The following NYAP1 variants were observed in gnomAD, a reference collection of about 807,000 sequenced individuals.
NYAP1 encodes the protein neuronal tyrosine phosphorylated phosphoinositide-3-kinase adaptor 1.
Under a neutral mutation model 58.6 loss-of-function variants are expected in NYAP1, and 20 were observed. The observed-to-expected ratio is 0.34, with a 90% CI of 0.24 to 0.50. NYAP1 has a LOEUF of 0.50. NYAP1 is among the 20% of genes least tolerant of loss of function. The pLI, the probability that NYAP1 is intolerant of heterozygous loss-of-function variation, is 0.98. For synonymous variants in NYAP1, 572 were observed against 523.1 expected (o/e 1.09, Z -1.27); for missense variants, 1,150 against 1,194.5 (o/e 0.96, Z 0.55).
In NYAP1 at chr7:100,489,216, C is replaced by T; in HGVS notation, c.1495C>T (p.Leu499=). ...GGAGATCTCGGTCCTCCATGGGATGCTGTGTACCAGCTCAAGGCCCCCTGT... is the reference window on the plus strand; with the variant it reads ...GGAGATCTCGGTCCTCCATGGGATGTTGTGTACCAGCTCAAGGCCCCCTGT... ...EKEISVLHGM[L]CTSSRPPVPG... Residue 499 remains leucine, a synonymous_variant, in exon 4 of 7, where the codon CTG becomes TTG. Transcript: ENST00000300179. The T allele has an allele frequency of 6.2e-7, 1 of 1,609,426 alleles. No individual in the cohort carries two copies. The highest frequency in any genetic ancestry group is 1.1e-5 in the South Asian group (1 of 90,356).
In NYAP1 at chr7:100,490,869, C is replaced by T; in HGVS notation, c.2159-117C>T. ...AAATCCTCATACCACATCTCCACCC[C>T]TTTTTCCCTTCTGATGAGGCAGGGG... On this transcript the variant is annotated intron_variant, in intron 5 of 6. Coordinates refer to ENST00000300179, the MANE Select transcript of NYAP1 (RefSeq NM_173564.4). This position sits in a 1 kb window ranked among gnomAD's most constrained non-coding sequence, Gnocchi z 4.6. 1.9e-6 allele frequency: 2 copies of T among 1,073,112 alleles called. No homozygotes were observed. The highest frequency in any genetic ancestry group is 2.1e-4 in the Middle Eastern group (1 of 4,770). The allele number at this position is 1,073,112 out of a possible 1,614,324, so 66.5% of individuals were successfully genotyped here.
chr7:100,493,910 C>G lies in NYAP1; in HGVS notation c.*7C>G, dbSNP rs1294614305. 7 of 1,433,044 alleles carry G rather than the reference C, an allele frequency of 4.9e-6. No homozygotes were observed. The highest frequency in any genetic ancestry group is 2.9e-5 in the South Asian group (2 of 68,246). 88.8% of individuals were successfully genotyped at this position (1,433,044 alleles called of 1,614,324 possible). ...CTGGGACACCGCCATCTGAGGCGGG[C>G]GGGGGGGTACCGGGGCGCCTGGACT... On this transcript the variant is annotated 3_prime_UTR_variant, in exon 7 of 7. Transcript: ENST00000300179.
chr7:100,487,052 G>A lies in NYAP1; in HGVS notation c.300G>A (p.Gly100=), dbSNP rs776482613. 12 of 1,600,754 alleles carry A rather than the reference G, an allele frequency of 7.5e-6. No individual in the cohort carries two copies. Among genetic ancestry groups the A allele is most frequent in the Non-Finnish European group, 1.0e-5 (12 of 1,173,424 alleles). Reference sequence around the variant, plus strand: ...ACAGTGTCGGGGGTGGCCCTGGCGGGGCCAGTGGGGGCCTCACAGAGGACA... The same window carrying A: ...ACAGTGTCGGGGGTGGCCCTGGCGGAGCCAGTGGGGGCCTCACAGAGGACA... ...SMDSVGGGPG[G]ASGGLTEDSS... is the part of the protein sequence containing the mutation. Residue 100 remains glycine (G), a synonymous_variant, in exon 3 of 7, where the codon GGG becomes GGA. Coordinates refer to ENST00000300179, the MANE Select transcript of NYAP1 (RefSeq NM_173564.4). The surrounding 1 kb of genome is among the most constrained non-coding windows in gnomAD (Gnocchi z 4.1).
rs750606476 is a variant in NYAP1, at chr7:100,486,851, G to A, written c.99G>A (p.Ser33=). ...SSSKEVAPAG[S]AGPAAGQGPG... ...GTAAGGAGGTGGCCCCCGCTGGCTC[G>A]GCTGGGCCCGCGGCCGGCCAGGGGC... Residue 33 remains serine, a synonymous_variant, in exon 3 of 7, where the codon TCG becomes TCA. Transcript: ENST00000300179. This position sits in a 1 kb window ranked among gnomAD's most constrained non-coding sequence, Gnocchi z 6.2. 19 of 1,527,464 alleles carry A rather than the reference G, an allele frequency of 1.2e-5. No homozygotes were observed. The highest frequency in any genetic ancestry group is 4.2e-5 in the African/African-American group (3 of 72,230). 94.6% of individuals were successfully genotyped at this position (1,527,464 alleles called of 1,614,324 possible).
rs752031275 is a variant in NYAP1 at position 100,493,741 on chromosome 7, C to T, written c.2364C>T (p.Cys788=). The change falls in exon 7 of 7, where the codon TGC becomes TGT. Residue 788 remains cysteine (C), a synonymous_variant. Transcript: ENST00000300179. The stretch of plus-strand genomic sequence containing the variant: ...TGGAGGTGATCGAGCGCAAGCGCTG[C>T]GTGTGCAAGGAGATCAAGGCGCGCC... ...KLLEVIERKR[C]VCKEIKARHR... 3 of 1,604,720 alleles carry T rather than the reference C, an allele frequency of 1.9e-6. No individual in the cohort carries two copies. Among genetic ancestry groups the T allele is most frequent in the South Asian group, 1.1e-5 (1 of 90,436 alleles).
intron 6 of NYAP1, 22 bp downstream of exon 6, chr7:100,491,117 A>G: frequency 1.4e-6 from 2 of 1,451,126 alleles, no homozygotes; most frequent in Non-Finnish European, 9.4e-7. Context: ...TTTTTCTTTT[A>G]TTTGTGAAGG....
chr7:100,492,664 C>T (rs574738424), intron 6 of NYAP1, among the ~76,000 whole-genome samples: 2 of 152,172 alleles, frequency 1.3e-5, no homozygotes, highest in African/African-American at 2.4e-5. Flanking sequence ...TTTGGGAGGC[C>T]GAGCCAAGAG....
In NYAP1 at chr7:100,493,814, C is replaced by T. The variant is rs777375496; in HGVS notation, c.2437C>T (p.Pro813Ser). ...LCKQESMPIL[P>S]SWRRGPEPRK... is the part of the protein sequence containing the mutation. Reference sequence around the variant, plus strand: ...CAAGCAGGAGAGCATGCCCATCCTCCCCAGCTGGCGGCGGGGACCCGAGCC... The same window carrying T: ...CAAGCAGGAGAGCATGCCCATCCTCTCCAGCTGGCGGCGGGGACCCGAGCC... Residue 813 changes from proline (P) to serine (S), a missense_variant, in exon 7 of 7, where the codon CCC becomes TCC. By Grantham distance (74) the Pro-to-Ser change is moderately conservative. Coordinates refer to ENST00000300179, the MANE Select transcript of NYAP1 (RefSeq NM_173564.4). The T allele has an allele frequency of 6.3e-7, 1 of 1,589,434 alleles. No individual in the cohort carries two copies. Among genetic ancestry groups the T allele is most frequent in the Non-Finnish European group, 8.5e-7 (1 of 1,171,566 alleles).
At position 100,493,991 on chromosome 7, in the gene NYAP1, A is replaced by T. The variant is rs1799835807; in HGVS notation, c.*88A>T. 3.4e-6 allele frequency: 4 copies of T among 1,181,576 alleles called. No homozygotes were observed. Among genetic ancestry groups the T allele is most frequent in the Non-Finnish European group, 4.5e-6 (4 of 884,766 alleles). 73.2% of individuals were successfully genotyped at this position (1,181,576 alleles called of 1,614,324 possible). A position where few individuals can be genotyped will look rare whatever the true frequency, so the allele number is the denominator to read the frequency against. On this transcript the variant is annotated 3_prime_UTR_variant, in exon 7 of 7. Coordinates refer to ENST00000300179, the MANE Select transcript of NYAP1 (RefSeq NM_173564.4). ...GGGAGCCTCGCCTTGAGAGACATTGAAAGACTACGTGGGAGAGTGCCAGGG... is the reference window on the plus strand; with the variant it reads ...GGGAGCCTCGCCTTGAGAGACATTGTAAGACTACGTGGGAGAGTGCCAGGG...
Position 100,489,400 on chromosome 7 carries a change from G to T in NYAP1, c.1679G>T (p.Arg560Ile), listed in dbSNP as rs748773163. The T allele has an allele frequency of 1.9e-6, 3 of 1,612,970 alleles. No individual in the cohort carries two copies. Among genetic ancestry groups the T allele is most frequent in the Admixed American group, 1.7e-5 (1 of 60,010 alleles). ...TYPATAAGLK[R>I]PPAYESLKAG... ...CCAGCCACAGCAGCTGGGCTCAAGA[G>T]ACCCCCTGCCTATGAGAGCCTCAAG... The change falls in exon 4 of 7, where the codon AGA (arginine) becomes ATA (isoleucine). Residue 560 changes from arginine to isoleucine, a missense_variant. Coordinates refer to ENST00000300179, the MANE Select transcript of NYAP1 (RefSeq NM_173564.4).
At position 100,487,240 on chromosome 7, in the gene NYAP1, A is replaced by C. The variant is rs575706511; in HGVS notation, c.430+58A>C. 265 of 1,442,072 alleles carry C rather than the reference A, an allele frequency of 1.8e-4. 4 individuals carry two copies. The South Asian group carries it at 2.9e-3, about 16-fold the overall frequency. The allele number at this position is 1,442,072 out of a possible 1,614,324, so 89.3% of individuals were successfully genotyped here. A position where few individuals can be genotyped will look rare whatever the true frequency, so the allele number is the denominator to read the frequency against. On this transcript the variant is annotated intron_variant, in intron 3 of 6. Transcript: ENST00000300179. This position sits in a 1 kb window ranked among gnomAD's most constrained non-coding sequence, Gnocchi z 4.1. ...GCTGGGAGCTGGGAGGATCTATTCCACGCCCGGGGAGGCTTGCCGGGAGGG... is the reference window on the plus strand; with the variant it reads ...GCTGGGAGCTGGGAGGATCTATTCCCCGCCCGGGGAGGCTTGCCGGGAGGG...
chr7:100,485,460 C>G lies in NYAP1; in HGVS notation c.68+81C>G. ...ACTGGGCCACAGCCCTTCTCGGGGG[C>G]CGGCAGCCTTGTCATGAGTGAGCTC... On this transcript the variant is annotated intron_variant, in intron 2 of 6. Coordinates refer to ENST00000300179, the MANE Select transcript of NYAP1 (RefSeq NM_173564.4). This position sits in a 1 kb window ranked among gnomAD's most constrained non-coding sequence, Gnocchi z 5.7. 9.0e-7 allele frequency: 1 copy of G among 1,105,956 alleles called. No individual in the cohort carries two copies. Among genetic ancestry groups the G allele is most frequent in the Non-Finnish European group, 1.3e-6 (1 of 751,124 alleles). 68.5% of individuals were successfully genotyped at this position (1,105,956 alleles called of 1,614,324 possible). A position where few individuals can be genotyped will look rare whatever the true frequency, so the allele number is the denominator to read the frequency against.
chr7:100,493,827 G>T lies in NYAP1; in HGVS notation c.2450G>T (p.Arg817Leu). 1 of 1,575,878 alleles carries T rather than the reference G, an allele frequency of 6.3e-7. No homozygotes were observed. ...ESMPILPSWR[R>L]GPEPRKSGTP... ...ATGCCCATCCTCCCCAGCTGGCGGCGGGGACCCGAGCCCCGCAAGTCCGGC... is the reference window on the plus strand; with the variant it reads ...ATGCCCATCCTCCCCAGCTGGCGGCTGGGACCCGAGCCCCGCAAGTCCGGC... Residue 817 changes from arginine (R) to leucine (L), a missense_variant, in exon 7 of 7, where the codon CGG (arginine) becomes CTG (leucine). Transcript: ENST00000300179.
chr7:100,484,398 C>T (rs1293727975), intron 1 of NYAP1, among the ~76,000 whole-genome samples: 1 of 151,990 alleles, frequency 6.6e-6, no homozygotes, highest in Non-Finnish European at 1.5e-5. Flanking sequence ...CCTCCCAAAT[C>T]CTGGAGGAAG....
At position 100,486,128 on chromosome 7, in the gene NYAP1, C is replaced by T. The variant is rs1799699046; in HGVS notation, c.69-693C>T. Among the ~76,000 whole-genome samples the T allele has an allele frequency of 6.6e-6, 1 of 152,134 alleles. No individual in the cohort carries two copies. The highest frequency in any genetic ancestry group is 2.1e-4 in the South Asian group (1 of 4,830). ...GCAGCGATCTCTCCCTAATGAAGGG[C>T]TAGTAGACAGGGCCTTAATGAGTGC... On this transcript the variant is annotated intron_variant, in intron 2 of 6. Coordinates refer to ENST00000300179, the MANE Select transcript of NYAP1 (RefSeq NM_173564.4). The surrounding 1 kb of genome is among the most constrained non-coding windows in gnomAD (Gnocchi z 6.2).
In NYAP1 at chr7:100,486,974, C is replaced by T; in HGVS notation, c.222C>T (p.Cys74=). The T allele has an allele frequency of 2.5e-6, 4 of 1,607,660 alleles. No individual in the cohort carries two copies. The highest frequency in any genetic ancestry group is 3.4e-6 in the Non-Finnish European group (4 of 1,177,722). Residue 74 remains cysteine (C), a synonymous_variant, in exon 3 of 7, where the codon TGC becomes TGT. Coordinates refer to ENST00000300179, the MANE Select transcript of NYAP1 (RefSeq NM_173564.4). This position sits in a 1 kb window ranked among gnomAD's most constrained non-coding sequence, Gnocchi z 6.2. ...PASQEHTPHP[C]RSAMAPRSLS... is the part of the protein sequence containing the mutation. The stretch of plus-strand genomic sequence containing the variant: ...CCCAGGAGCACACCCCGCACCCCTG[C>T]CGCAGCGCCATGGCCCCACGCTCCC...
Position 100,490,468 on chromosome 7 carries a change from A to G in NYAP1, c.1946-49A>G, listed in dbSNP as rs762299339. On this transcript the variant is annotated intron_variant, in intron 4 of 6. Coordinates refer to ENST00000300179, the MANE Select transcript of NYAP1 (RefSeq NM_173564.4). The surrounding 1 kb of genome is among the most constrained non-coding windows in gnomAD (Gnocchi z 4.6). Reference sequence around the variant, plus strand: ...CAGCATGTGTGGCCAGAGGGACAGAATGACGCCTCCAACATGCAGGCACAC... The same window carrying G: ...CAGCATGTGTGGCCAGAGGGACAGAGTGACGCCTCCAACATGCAGGCACAC... The G allele has an allele frequency of 4.6e-6, 7 of 1,510,966 alleles. No individual in the cohort carries two copies. The Admixed American group carries it at 1.4e-4, about 30-fold the overall frequency. The allele number at this position is 1,510,966 out of a possible 1,614,324, so 93.6% of individuals were successfully genotyped here. A position where few individuals can be genotyped will look rare whatever the true frequency, so the allele number is the denominator to read the frequency against.
At position 100,485,503 on chromosome 7, in the gene NYAP1, T is replaced by TA; in HGVS notation, c.68+125dup. On this transcript the variant is annotated intron_variant, in intron 2 of 6. Coordinates refer to ENST00000300179, the MANE Select transcript of NYAP1 (RefSeq NM_173564.4). This position sits in a 1 kb window ranked among gnomAD's most constrained non-coding sequence, Gnocchi z 5.7. ...GTGAGCTCTCTGATCTCAGAGTCAG[T>TA]ACGGAATGGCCAGGATTGCACACAC... 1 of 732,916 alleles carries TA rather than the reference T, an allele frequency of 1.4e-6. No individual in the cohort carries two copies. The highest frequency in any genetic ancestry group is 2.3e-6 in the Non-Finnish European group (1 of 427,224). 45.4% of individuals were successfully genotyped at this position (732,916 alleles called of 1,614,324 possible). A position where few individuals can be genotyped will look rare whatever the true frequency, so the allele number is the denominator to read the frequency against.
At position 100,493,721 on chromosome 7, in the gene NYAP1, G is replaced by T. The variant is rs761836198; in HGVS notation, c.2344G>T (p.Val782Leu). The change falls in exon 7 of 7, where the codon GTG becomes TTG. Residue 782 changes from valine (V) to leucine (L), a missense_variant. Physicochemically the swap from Val to Leu is conservative, Grantham distance 32. Transcript: ENST00000300179. ...ARERDGKLLE[V>L]IERKRCVCKE... Reference sequence around the variant, plus strand: ...CGAGCGTGACGGGAAGCTGCTGGAGGTGATCGAGCGCAAGCGCTGCGTGTG... The same window carrying T: ...CGAGCGTGACGGGAAGCTGCTGGAGTTGATCGAGCGCAAGCGCTGCGTGTG... 15 of 1,601,988 alleles carry T rather than the reference G, an allele frequency of 9.4e-6. No homozygotes were observed. The highest frequency in any genetic ancestry group is 1.3e-5 in the Non-Finnish European group (15 of 1,177,380).
Sources: allele counts gnomAD v4.1 joint callset (sites outside exome capture counted in the v4.1 genomes callset), GRCh38; gene constraint gnomAD v4.1.1; non-coding constraint Gnocchi (gnomAD v3.1); transcripts MANE v1.5; gene names NCBI Gene and HGNC (gene_info 2026-07-23, HGNC 2026-07-21).